GPC6: variants seen among roughly 807,000 people sequenced by gnomAD.
GPC6 encodes glypican-6.
A neutral mutation model predicts 55.2 loss-of-function variants in GPC6; 14 were observed. The observed-to-expected ratio is 0.25, with a 90% confidence interval of 0.17 to 0.40. The LOEUF is 0.40. Ranked by LOEUF, GPC6 falls within the 10% of genes least tolerant of loss-of-function variation. The probability of loss-of-function intolerance (pLI) is 1.00; values close to 1 mark genes in which losing one functional copy is unlikely to be tolerated. For missense variants in GPC6, 641 were observed against 708.5 expected, an observed-to-expected ratio of 0.90 and a Z score of 1.08; for synonymous variants, 278 against 259.6, an observed-to-expected ratio of 1.07 and a Z score of -0.68.
At chr13:93,449,925 C>CTTTT (rs36091028) in intron 1 of GPC6, among the ~76,000 whole-genome samples, 1 of 149,928 alleles carries the variant, frequency 6.7e-6, no homozygotes, top group Non-Finnish European at 1.5e-5. Context: ...ATGTTCCACT[C>CTTTT]TTTTTTTTTT....
chr13:93,763,506 G>A (rs7995652), intron 2 of GPC6, among the ~76,000 whole-genome samples: 4,020 of 152,208 alleles, frequency 0.026, 83 homozygotes, highest in Middle Eastern at 0.051. Flanking sequence ...CTACTCTCTC[G>A]GAGAGGTTTT....
chr13:94,365,474 T>C (rs1026556984), intron 6 of GPC6, among the ~76,000 whole-genome samples: 1 of 152,198 alleles, frequency 6.6e-6, no homozygotes, highest in South Asian at 2.1e-4. Flanking sequence ...AATGTAAAAG[T>C]AGCATTTATT....
intron 5 of GPC6, among the ~76,000 whole-genome samples, chr13:94,293,033 A>T (rs1875080203): frequency 6.6e-6 from 1 of 152,222 alleles, no homozygotes; most frequent in Non-Finnish European, 1.5e-5. Context: ...GTACAATATT[A>T]TATGTATGTA....
At position 94,204,178 on chromosome 13, in the gene GPC6, T is replaced by C. The variant is rs146570870; in HGVS notation, c.878-82171T>C. ...CAAAGAGTCAAAAAGCAACTTCAAATCCTTCTATATACAAAATTCCAGCTT... is the reference window on the plus strand; with the variant it reads ...CAAAGAGTCAAAAAGCAACTTCAAACCCTTCTATATACAAAATTCCAGCTT... On this transcript the variant is annotated intron_variant, in intron 4 of 8. Transcript: ENST00000377047. Among the ~76,000 whole-genome samples, 1,442 of 152,216 alleles carry C rather than the reference T, an allele frequency of 9.5e-3. 14 individuals are homozygous for C. Among genetic ancestry groups the C allele is most frequent in the Non-Finnish European group, 0.014 (972 of 67,978 alleles).
chr13:93,237,176 C>A (rs9523968), intron 1 of GPC6, among the ~76,000 whole-genome samples: 3 of 151,982 alleles, frequency 2.0e-5, no homozygotes, highest in African/African-American at 7.3e-5. Context: ...CACTAATTTA[C>A]GTTCCCACCA....
At chr13:94,007,668 A>C (rs995548808) in intron 3 of GPC6, among the ~76,000 whole-genome samples, 4 of 152,032 alleles carry the variant, frequency 2.6e-5, no homozygotes, top group Non-Finnish European at 5.9e-5. Context: ...AACAATTTCC[A>C]TTGCTAGATT....
chr13:93,949,557 C>T (rs1198733329), intron 3 of GPC6, among the ~76,000 whole-genome samples: 2 of 152,152 alleles, frequency 1.3e-5, no homozygotes, highest in East Asian at 1.9e-4. Context: ...GACATGTTCA[C>T]CTTTAACCTG....
chr13:94,083,528 C>T (rs1049398789), intron 4 of GPC6, among the ~76,000 whole-genome samples: 4 of 152,204 alleles, frequency 2.6e-5, no homozygotes, highest in African/African-American at 7.2e-5. Flanking sequence ...AGGTCAGGCA[C>T]TTTGTCTTTA....
In GPC6 at chr13:93,839,310, C is replaced by T. The variant is rs115967282; in HGVS notation, c.711+8765C>T. Among the ~76,000 whole-genome samples the T allele has an allele frequency of 3.6e-3, 547 of 152,134 alleles. 1 individual carries two copies. The highest frequency in any genetic ancestry group is 0.013 in the African/African-American group (525 of 41,514). ...TTACTGTTTTGCCACAAGATACACA[C>T]CAAAATTGAAAGTTAAAAAAAAATC... On this transcript the variant is annotated intron_variant, in intron 3 of 8. Transcript: ENST00000377047.
chr13:94,124,107 GC>G (rs1410666007), intron 4 of GPC6, among the ~76,000 whole-genome samples: 1 of 152,016 alleles, frequency 6.6e-6, no homozygotes, highest in Non-Finnish European at 1.5e-5. Flanking sequence ...TGACTTTATA[GC>G]CCCGTATATT....
chr13:93,952,866 A>G (rs201646895), intron 3 of GPC6, among the ~76,000 whole-genome samples: 10 of 108,828 alleles, frequency 9.2e-5, no homozygotes, highest in Middle Eastern at 4.9e-3. Context: ...ATATATATGT[A>G]TATATATACA....
At chr13:94,211,880 T>C (rs188381201) in intron 4 of GPC6, among the ~76,000 whole-genome samples, 25 of 152,300 alleles carry the variant, frequency 1.6e-4, no homozygotes, top group Admixed American at 6.5e-4. Flanking sequence ...CTGTGAAACA[T>C]TGGATGTGTA....
intron 4 of GPC6, among the ~76,000 whole-genome samples, chr13:94,213,329 C>T (rs986250153): frequency 6.6e-6 from 1 of 152,084 alleles, no homozygotes; most frequent in Non-Finnish European, 1.5e-5. Context: ...TATAGGTGAT[C>T]GTTCTCAATT....
At chr13:93,980,831 A>C (rs986640904) in intron 3 of GPC6, among the ~76,000 whole-genome samples, 3 of 152,046 alleles carry the variant, frequency 2.0e-5, no homozygotes, top group Non-Finnish European at 4.4e-5. Context: ...ATAAGGCTGA[A>C]ACCATATCTG....
At chr13:94,252,361 A>G (rs1354213531) in intron 4 of GPC6, among the ~76,000 whole-genome samples, 2 of 152,140 alleles carry the variant, frequency 1.3e-5, no homozygotes, top group Admixed American at 1.3e-4. Context: ...GTCATGCATA[A>G]AAGCCCAACT....
intron 4 of GPC6, among the ~76,000 whole-genome samples, chr13:94,087,491 C>G (rs1167263280): frequency 6.6e-6 from 1 of 152,210 alleles, no homozygotes; most frequent in African/African-American, 2.4e-5. Context: ...CTACTTGAAA[C>G]AAAGGAATAC....
At chr13:93,655,172 A>G (rs1880609231) in intron 2 of GPC6, among the ~76,000 whole-genome samples, 2 of 152,044 alleles carry the variant, frequency 1.3e-5, no homozygotes, top group South Asian at 2.1e-4. Flanking sequence ...TTTATCAGTC[A>G]TTGTGACTTA....
chr13:93,989,590 T>C (rs1472871909), intron 3 of GPC6, among the ~76,000 whole-genome samples: 6 of 152,136 alleles, frequency 3.9e-5, no homozygotes, highest in Non-Finnish European at 8.8e-5. Flanking sequence ...TTCACCCACC[T>C]CACCTATGGT....
chr13:94,096,681 T>C (rs1252842209), intron 4 of GPC6, among the ~76,000 whole-genome samples: 4 of 152,170 alleles, frequency 2.6e-5, no homozygotes, highest in Non-Finnish European at 4.4e-5. Flanking sequence ...TACACCATAA[T>C]AGATGGGAAG....
Sources: allele counts gnomAD v4.1 joint callset (sites outside exome capture counted in the v4.1 genomes callset), GRCh38; gene constraint gnomAD v4.1.1; transcripts MANE v1.5; gene names NCBI Gene and HGNC (gene_info 2026-07-23, HGNC 2026-07-21).